PHKB: variants seen among roughly 807,000 people sequenced by gnomAD.
PHKB encodes phosphorylase b kinase regulatory subunit beta.
In PHKB, 122 loss-of-function variants were observed where a neutral mutation model predicts 152.1. That is an observed-to-expected ratio of 0.80 (90% CI 0.69 to 0.93). The LOEUF is 0.93. Among genes scored for constraint, PHKB ranks in the 40% least tolerant of loss-of-function variants. The pLI, the probability that PHKB is intolerant of heterozygous loss-of-function variation, is 0.00. For missense variants in PHKB, 1,304 were observed against 1,328.4 expected (o/e 0.98, Z 0.29); for synonymous variants, 436 against 464.9 (o/e 0.94, Z 0.80).
chr16:47,557,253 C>A (rs1209268781), intron 7 of PHKB, among the ~76,000 whole-genome samples: 1 of 151,936 alleles, frequency 6.6e-6, no homozygotes, highest in Non-Finnish European at 1.5e-5. Context: ...TAAAGACTTA[C>A]ACGTTAGACC....
At chr16:47,594,460 A>G (rs1972083875) in intron 12 of PHKB, among the ~76,000 whole-genome samples, 1 of 152,190 alleles carries the variant, frequency 6.6e-6, no homozygotes, top group South Asian at 2.1e-4. Flanking sequence ...GTTATTTACT[A>G]TGTAACTCCA....
At chr16:47,635,906 AGT>A (rs1972911492) in intron 14 of PHKB, among the ~76,000 whole-genome samples, 1 of 152,260 alleles carries the variant, frequency 6.6e-6, no homozygotes. Flanking sequence ...AGTTATATAA[AGT>A]GTTCGCTGTT....
intron 13 of PHKB, among the ~76,000 whole-genome samples, chr16:47,602,323 T>C (rs1972242577): frequency 6.6e-6 from 1 of 152,186 alleles, no homozygotes; most frequent in African/African-American, 2.4e-5. Context: ...TACTTTAAAA[T>C]ATCCAAAGTG....
intron 21 of PHKB, 23 bp from the exon 22 acceptor site, chr16:47,660,633 GA>G: frequency 6.2e-7 from 1 of 1,612,786 alleles, no homozygotes; most frequent in Non-Finnish European, 8.5e-7. Context: ...CAGAAAATAT[GA>G]AACCTTTTCT....
chr16:47,483,352 C>T (rs1467273131), intron 1 of PHKB, among the ~76,000 whole-genome samples: 2 of 152,054 alleles, frequency 1.3e-5, no homozygotes, highest in African/African-American at 4.8e-5. Flanking sequence ...CTGGCTCTTT[C>T]TGTAAAGATT....
chr16:47,542,673 C>T (rs898679442), intron 6 of PHKB, among the ~76,000 whole-genome samples: 13 of 152,092 alleles, frequency 8.5e-5, no homozygotes, highest in African/African-American at 3.1e-4. Flanking sequence ...TCTTTTATTT[C>T]ATTTAGCAGT....
chr16:47,593,572 T>C lies in PHKB; in HGVS notation c.1126+15T>C, dbSNP rs747998873. 5 of 1,413,524 alleles carry C rather than the reference T, an allele frequency of 3.5e-6. No homozygotes were observed. Among genetic ancestry groups the C allele is most frequent in the East Asian group, 2.3e-5 (1 of 43,874 alleles). 87.6% of individuals were successfully genotyped at this position (1,413,524 alleles called of 1,614,324 possible). On this transcript the variant is annotated intron_variant, in intron 11 of 30. Coordinates refer to ENST00000323584, the MANE Select transcript of PHKB (RefSeq NM_000293.3). ...GATGATTGATGGTAAGTAAGCTTTT[T>C]CCTGAAATTTAAGCAAGCTTTTTCC... is the stretch of plus-strand genomic sequence containing the variant.
chr16:47,570,552 T>C (rs1480089199), intron 7 of PHKB, among the ~76,000 whole-genome samples: 1 of 152,128 alleles, frequency 6.6e-6, no homozygotes, highest in Non-Finnish European at 1.5e-5. Context: ...AAATTCTTTC[T>C]TCTACTTGAT....
intron 8 of PHKB, among the ~76,000 whole-genome samples, chr16:47,584,334 T>C (rs1263669189): frequency 6.6e-6 from 1 of 152,176 alleles, no homozygotes; most frequent in African/African-American, 2.4e-5. Flanking sequence ...TAAACAGTAA[T>C]ATTTTAGTCT....
intron 6 of PHKB, among the ~76,000 whole-genome samples, chr16:47,531,395 C>T (rs970053269): frequency 3.3e-5 from 5 of 151,958 alleles, no homozygotes; most frequent in African/African-American, 9.7e-5. Flanking sequence ...TTTGAGAACC[C>T]GGTAGAGTTT....
At chr16:47,506,269 TA>T (rs201745641) in intron 4 of PHKB, among the ~76,000 whole-genome samples, 40 of 150,438 alleles carry the variant, frequency 2.7e-4, no homozygotes, top group Admixed American at 7.3e-4. Flanking sequence ...CAAGTCAAAA[TA>T]AAAAAAAATC....
intron 7 of PHKB, among the ~76,000 whole-genome samples, chr16:47,549,086 G>T (rs1006378441): frequency 1.3e-5 from 2 of 152,300 alleles, no homozygotes; most frequent in African/African-American, 2.4e-5. Flanking sequence ...CAATGAAAAA[G>T]TCAGTGAAGT....
At chr16:47,659,290 G>A (rs1473975808) in intron 20 of PHKB, among the ~76,000 whole-genome samples, 3 of 152,160 alleles carry the variant, frequency 2.0e-5, no homozygotes, top group African/African-American at 7.2e-5. Flanking sequence ...CTACTATTCT[G>A]GGTAGTTAGC....
intron 16 of PHKB, among the ~76,000 whole-genome samples, chr16:47,644,264 T>C (rs1050757427): frequency 5.3e-5 from 8 of 152,244 alleles, no homozygotes; most frequent in Non-Finnish European, 1.2e-4. Context: ...AAGCACTGTT[T>C]CTGGCCAGTT....
chr16:47,576,514 G>T (rs1971751978), intron 7 of PHKB, among the ~76,000 whole-genome samples: 1 of 152,120 alleles, frequency 6.6e-6, no homozygotes, highest in Non-Finnish European at 1.5e-5. Context: ...ATCCTTGCTG[G>T]TTTTCTGTCT....
At chr16:47,506,551 GTTTCA>G in intron 4 of PHKB, among the ~76,000 whole-genome samples, 1 of 152,250 alleles carries the variant, frequency 6.6e-6, no homozygotes, top group Non-Finnish European at 1.5e-5. Flanking sequence ...GTTATTGTTT[GTTTCA>G]TTTGTATCAT....
intron 1 of PHKB, among the ~76,000 whole-genome samples, chr16:47,474,517 T>G (rs1365717779): frequency 6.6e-6 from 1 of 152,216 alleles, no homozygotes; most frequent in African/African-American, 2.4e-5. Flanking sequence ...TTGTATTCTT[T>G]ATTATATTTC....
intron 14 of PHKB, among the ~76,000 whole-genome samples, chr16:47,632,740 T>C (rs976994661): frequency 1.3e-5 from 2 of 152,212 alleles, no homozygotes; most frequent in African/African-American, 4.8e-5. Context: ...AGAAACACTA[T>C]TAGGGCACAT....
chr16:47,511,764 C>T lies in PHKB; in HGVS notation c.505C>T (p.His169Tyr), dbSNP rs2151649556. Residue 169 changes from histidine to tyrosine, a missense_variant, in exon 5 of 31, where the codon CAT becomes TAT. By Grantham distance (83) the His-to-Tyr change is moderately conservative (BLOSUM62 2). Coordinates refer to ENST00000323584, the MANE Select transcript of PHKB (RefSeq NM_000293.3). ...GTTGCTTTCCTATGAGGAATATGGT[C>T]ATCTTCAGGTAAAAAGAGATTATAC... The part of the protein sequence containing the change: ...DELLSYEEYG[H>Y]LQINAVSLYL... 1.3e-6 allele frequency: 2 copies of T among 1,542,966 alleles called. No individual in the cohort carries two copies. The highest frequency in any genetic ancestry group is 1.1e-5 in the South Asian group (1 of 89,638).
Sources: allele counts gnomAD v4.1 joint callset (sites outside exome capture counted in the v4.1 genomes callset), GRCh38; gene constraint gnomAD v4.1.1; transcripts MANE v1.5; gene names NCBI Gene and HGNC (gene_info 2026-07-23, HGNC 2026-07-21).